Variants in TBX6 observed in about 807,000 individuals in gnomAD.
The protein encoded by TBX6 is T-box transcription factor TBX6.
A neutral mutation model predicts 42.3 loss-of-function variants in TBX6; 29 were observed. The observed-to-expected ratio is 0.69, with a 90% confidence interval of 0.51 to 0.93. The LOEUF is 0.93. TBX6 is among the 40% of genes least tolerant of loss of function. TBX6 has a pLI of 0.00. For missense variants in TBX6, 569 were observed against 603.3 expected (o/e 0.94, Z 0.59); for synonymous variants, 249 against 245.1 (o/e 1.02, Z -0.15).
chr16:30,088,468 A>T lies in TBX6; in HGVS notation c.839+77T>A. The T allele has an allele frequency of 1.3e-6, 2 of 1,593,492 alleles. No individual in the cohort carries two copies. Among genetic ancestry groups the T allele is most frequent in the South Asian group, 2.2e-5 (2 of 90,522 alleles). On this transcript the variant is annotated intron_variant, in intron 6 of 8. Transcript: ENST00000395224. The surrounding 1 kb of genome is among the most constrained non-coding windows in gnomAD (Gnocchi z 4.1). The stretch of plus-strand genomic sequence containing the variant: ...ACTTACCACTGCATTTCTGATGTCC[A>T]GCACGGTGCCTGGCACACAGTGAGT...
In TBX6 at chr16:30,088,406, A is replaced by G. The variant is rs1175468839; in HGVS notation, c.839+139T>C. 8.5e-6 allele frequency: 10 copies of G among 1,170,208 alleles called. No individual in the cohort carries two copies. The highest frequency in any genetic ancestry group is 1.2e-5 in the Non-Finnish European group (10 of 801,692). 72.5% of individuals were successfully genotyped at this position (1,170,208 alleles called of 1,614,324 possible). On this transcript the variant is annotated intron_variant, in intron 6 of 8. Transcript: ENST00000395224. The surrounding 1 kb of genome is among the most constrained non-coding windows in gnomAD (Gnocchi z 4.1). ...CTGTCCCTGGCACATAGCAGGTACT[A>G]TATAAGTATTTGCTGAGTCAGTGAA... is the stretch of plus-strand genomic sequence containing the variant.
At chr16:30,087,583 C>T (rs556726999) in intron 6 of TBX6, among the ~76,000 whole-genome samples, 72 of 152,336 alleles carry the variant, frequency 4.7e-4, no homozygotes, top group South Asian at 1.9e-3. Context: ...AGGTGCTGCA[C>T]TTGGAACAGT....
In TBX6 at chr16:30,091,137, G is replaced by C; in HGVS notation, c.57C>G (p.Pro19=). 2 of 1,594,086 alleles carry C rather than the reference G, an allele frequency of 1.3e-6. No individual in the cohort carries two copies. Among genetic ancestry groups the C allele is most frequent in the South Asian group, 1.1e-5 (1 of 87,926 alleles). The change falls in exon 2 of 9, where the codon CCC becomes CCG. Residue 19 remains proline (P), a synonymous_variant. Coordinates refer to ENST00000395224, the MANE Select transcript of TBX6 (RefSeq NM_004608.4). ...PSLGAGYRLG[P]AQPGADSSFP... is the part of the protein sequence containing the mutation. ...AGCTGGAGTCGGCCCCAGGTTGGGC[G>C]GGCCCCAGGCGGTAGCCGGCCCCCA...
Position 30,088,416 on chromosome 16 carries a change from T to C in TBX6, c.839+129A>G. On this transcript the variant is annotated intron_variant, in intron 6 of 8. Transcript: ENST00000395224. This position sits in a 1 kb window ranked among gnomAD's most constrained non-coding sequence, Gnocchi z 4.1. ...CACATAGCAGGTACTATATAAGTAT[T>C]TGCTGAGTCAGTGAATGAATGTTTT... 2 of 1,275,910 alleles carry C rather than the reference T, an allele frequency of 1.6e-6. No homozygotes were observed. The allele number at this position is 1,275,910 out of a possible 1,614,324, so 79.0% of individuals were successfully genotyped here.
rs964626943 is a variant in TBX6 at position 30,089,325 on chromosome 16, A to G, written c.354-115T>C. ...CCCAGAGCTGTCAGAGAAACATCAAAGGAGGTGGAATTAGAACCCAGAGGG... is the reference window on the plus strand; with the variant it reads ...CCCAGAGCTGTCAGAGAAACATCAAGGGAGGTGGAATTAGAACCCAGAGGG... On this transcript the variant is annotated intron_variant, in intron 3 of 8. Transcript: ENST00000395224. The G allele has an allele frequency of 6.5e-6, 9 of 1,375,230 alleles. No individual in the cohort carries two copies. In the African/African-American group the frequency reaches 1.3e-4, roughly 20 times the overall value. 85.2% of individuals were successfully genotyped at this position (1,375,230 alleles called of 1,614,324 possible). A position where few individuals can be genotyped will look rare whatever the true frequency, so the allele number is the denominator to read the frequency against.
intron 3 of TBX6, 147 bp from the exon 4 acceptor site, chr16:30,089,357 G>T (rs1009695251): frequency 1.8e-6 from 2 of 1,093,190 alleles, no homozygotes; most frequent in African/African-American, 3.2e-5. Context: ...AGGGCAGGCT[G>T]GAGGCTGTGG....
chr16:30,091,221 C>T lies in TBX6; in HGVS notation c.-28G>A, dbSNP rs541265246. ...TGTAGTTCCGTCTGGCCTCAGGTCTCGCTGCTTAGGGCCCCCGGTGCTGCG... is the reference window on the plus strand; with the variant it reads ...TGTAGTTCCGTCTGGCCTCAGGTCTTGCTGCTTAGGGCCCCCGGTGCTGCG... On this transcript the variant is annotated 5_prime_UTR_variant, in exon 2 of 9. Transcript: ENST00000395224. 2.0e-6 allele frequency: 3 copies of T among 1,519,678 alleles called. No homozygotes were observed. Among genetic ancestry groups the T allele is most frequent in the East Asian group, 2.3e-5 (1 of 43,674 alleles). The allele number at this position is 1,519,678 out of a possible 1,614,324, so 94.1% of individuals were successfully genotyped here. A position where few individuals can be genotyped will look rare whatever the true frequency, so the allele number is the denominator to read the frequency against.
Position 30,091,348 on chromosome 16 carries a change from G to A in TBX6, c.-48-107C>T, listed in dbSNP as rs934183221. 3.0e-5 allele frequency: 20 copies of A among 660,928 alleles called. No homozygotes were observed. The Middle Eastern group carries it at 1.2e-3, about 41-fold the overall frequency. The allele number at this position is 660,928 out of a possible 1,614,324, so 40.9% of individuals were successfully genotyped here. A position where few individuals can be genotyped will look rare whatever the true frequency, so the allele number is the denominator to read the frequency against. On this transcript the variant is annotated intron_variant, in intron 1 of 8. Coordinates refer to ENST00000395224, the MANE Select transcript of TBX6 (RefSeq NM_004608.4). ...GAGTTGGGCTGGGGTGGAGACCCCT[G>A]GGGCCTCGAAGGGGTCCGAGAGGGG...
At position 30,091,209 on chromosome 16, in the gene TBX6, G is replaced by C. The variant is rs1055385785; in HGVS notation, c.-16C>G. Reference sequence around the variant, plus strand: ...GATGGTACATGTTGTAGTTCCGTCTGGCCTCAGGTCTCGCTGCTTAGGGCC... The same window carrying C: ...GATGGTACATGTTGTAGTTCCGTCTCGCCTCAGGTCTCGCTGCTTAGGGCC... On this transcript the variant is annotated 5_prime_UTR_variant, in exon 2 of 9. Coordinates refer to ENST00000395224, the MANE Select transcript of TBX6 (RefSeq NM_004608.4). 5 of 1,543,346 alleles carry C rather than the reference G, an allele frequency of 3.2e-6. No homozygotes were observed. In the African/African-American group the frequency reaches 5.4e-5, roughly 17 times the overall value.
intron 3 of TBX6, 57 bp downstream of exon 3, chr16:30,090,701 A>C: frequency 6.5e-7 from 1 of 1,544,604 alleles, no homozygotes; most frequent in Non-Finnish European, 8.8e-7. Context: ...CTCCCCAGGG[A>C]CTCTGCCTTT....
intron 6 of TBX6, among the ~76,000 whole-genome samples, chr16:30,087,412 G>A (rs986452289): frequency 6.6e-6 from 1 of 151,994 alleles, no homozygotes; most frequent in African/African-American, 2.4e-5. Flanking sequence ...CACTGCAAGC[G>A]CAAGTTCCTC....
Position 30,086,882 on chromosome 16 carries a change from G to C in TBX6, c.840-31C>G, listed in dbSNP as rs1325778765. 2 of 1,602,312 alleles carry C rather than the reference G, an allele frequency of 1.2e-6. No homozygotes were observed. The highest frequency in any genetic ancestry group is 2.2e-5 in the East Asian group (1 of 44,594). On this transcript the variant is annotated intron_variant, in intron 6 of 8. Coordinates refer to ENST00000395224, the MANE Select transcript of TBX6 (RefSeq NM_004608.4). This position sits in a 1 kb window ranked among gnomAD's most constrained non-coding sequence, Gnocchi z 4.6. The stretch of plus-strand genomic sequence containing the variant: ...GAACAGTGGTGGTGATGATGATGAT[G>C]ATGGTGATGGCCATGGTGATGGTAA...
In TBX6 at chr16:30,086,850, C is replaced by G; in HGVS notation, c.841G>C (p.Glu281Gln). The stretch of plus-strand genomic sequence containing the variant: ...TTCCTCTTCACACGGGCGTCTCGCT[C>G]CCTGGGGAACAGTGGTGGTGATGAT... ...FRENGRNCKR[E>Q]RDARVKRKLR... The change falls in exon 7 of 9, where the codon GAG becomes CAG. Residue 281 changes from glutamate (E) to glutamine (Q), a missense_variant and splice_region_variant. Physicochemically the swap from Glu to Gln is conservative, Grantham distance 29. This residue lies in a region of TBX6 where 245 missense variants were observed against 227.4 expected (regional missense o/e 1.08). Coordinates refer to ENST00000395224, the MANE Select transcript of TBX6 (RefSeq NM_004608.4). This position sits in a 1 kb window ranked among gnomAD's most constrained non-coding sequence, Gnocchi z 4.6. 6.2e-7 allele frequency: 1 copy of G among 1,607,484 alleles called. No homozygotes were observed. Among genetic ancestry groups the G allele is most frequent in the Non-Finnish European group, 8.5e-7 (1 of 1,177,126 alleles).
intron 3 of TBX6, among the ~76,000 whole-genome samples, chr16:30,090,407 T>A (rs1596854679): frequency 6.6e-6 from 1 of 152,038 alleles, no homozygotes; most frequent in East Asian, 1.9e-4. Context: ...CTGATGCTGG[T>A]CAATGGGCTG....
At chr16:30,087,753 C>T (rs2072657559) in intron 6 of TBX6, among the ~76,000 whole-genome samples, 2 of 152,144 alleles carry the variant, frequency 1.3e-5, no homozygotes, top group South Asian at 4.1e-4. Context: ...GCCAGATGCC[C>T]ACCTGGCTCC....
chr16:30,088,538 C>T lies in TBX6; in HGVS notation c.839+7G>A. ...AATGCATGAACAAATGAATGAACAACTCCCACCTCTTACAGTTTCTGCCGT... is the reference window on the plus strand; with the variant it reads ...AATGCATGAACAAATGAATGAACAATTCCCACCTCTTACAGTTTCTGCCGT... On this transcript the variant is annotated splice_region_variant and intron_variant, in intron 6 of 8. Transcript: ENST00000395224. This position sits in a 1 kb window ranked among gnomAD's most constrained non-coding sequence, Gnocchi z 4.1. 6.2e-7 allele frequency: 1 copy of T among 1,614,230 alleles called. No individual in the cohort carries two copies. Among genetic ancestry groups the T allele is most frequent in the Non-Finnish European group, 8.5e-7 (1 of 1,180,040 alleles).
At position 30,086,062 on chromosome 16, in the gene TBX6, G is replaced by C. The variant is rs188326528; in HGVS notation, c.*163C>G. The C allele has an allele frequency of 4.5e-6, 3 of 664,010 alleles. No individual in the cohort carries two copies. The highest frequency in any genetic ancestry group is 3.5e-5 in the Admixed American group (1 of 28,624). 41.1% of individuals were successfully genotyped at this position (664,010 alleles called of 1,614,324 possible). On this transcript the variant is annotated 3_prime_UTR_variant, in exon 9 of 9. Transcript: ENST00000395224. This position sits in a 1 kb window ranked among gnomAD's most constrained non-coding sequence, Gnocchi z 4.6. ...GCCTTGGTTAGGCTTTGAAGCCAGA[G>C]GGGGGTGGGAGTGAAATCAAGGTGT...
intron 1 of TBX6, 105 bp from the exon 2 acceptor site, chr16:30,091,346 C>T (rs922733882): frequency 3.3e-5 from 22 of 666,848 alleles, no homozygotes; most frequent in Middle Eastern, 4.1e-4. Flanking sequence ...GTGGAGACCC[C>T]TGGGGCCTCG....
rs774357226 is a variant in TBX6, at chr16:30,090,951, C to T, written c.160G>A (p.Glu54Lys). 1.2e-6 allele frequency: 2 copies of T among 1,613,434 alleles called. No individual in the cohort carries two copies. The highest frequency in any genetic ancestry group is 1.7e-6 in the Non-Finnish European group (2 of 1,179,896). Residue 54 changes from glutamate (E) to lysine (K), a missense_variant, in exon 3 of 9, where the codon GAG (glutamate) becomes AAG (lysine). Glu to Lys is a moderately conservative substitution (Grantham distance 56). Coordinates refer to ENST00000395224, the MANE Select transcript of TBX6 (RefSeq NM_004608.4). ...PKLDCFLSGMEAAPRTLAAHP... is the reference protein window; with the variant it reads ...PKLDCFLSGMKAAPRTLAAHP... ...GCGGCCAGGGTGCGGGGAGCAGCCTCCATCCCGGAGAGGAAGCAATCCAGT... is the reference window on the plus strand; with the variant it reads ...GCGGCCAGGGTGCGGGGAGCAGCCTTCATCCCGGAGAGGAAGCAATCCAGT...
Sources: allele counts gnomAD v4.1 joint callset (sites outside exome capture counted in the v4.1 genomes callset), GRCh38; gene constraint gnomAD v4.1.1; regional missense constraint gnomAD v4.1.1; non-coding constraint Gnocchi (gnomAD v3.1); transcripts MANE v1.5; gene names NCBI Gene and HGNC (gene_info 2026-07-23, HGNC 2026-07-21).